TMEM217B: variants seen among roughly 807,000 people sequenced by gnomAD.
TMEM217B encodes transmembrane protein 217B.
At chr6:37,227,510 G>A in the TMEM217B span, among the ~76,000 whole-genome samples, 5 of 152,170 alleles carry the variant, frequency 3.3e-5, no homozygotes, top group South Asian at 6.2e-4. Flanking sequence ...GTAGTGGCGC[G>A]ATCTTGGCTC....
At chr6:37,241,423 T>C in the TMEM217B span, among the ~76,000 whole-genome samples, 1 of 152,172 alleles carries the variant, frequency 6.6e-6, no homozygotes, top group Non-Finnish European at 1.5e-5. Context: ...CTCAGCATTG[T>C]ACCTGGAGAG....
chr6:37,227,469 C>T, the TMEM217B span, among the ~76,000 whole-genome samples: 16 of 152,196 alleles, frequency 1.1e-4, no homozygotes, highest in African/African-American at 1.7e-4. Flanking sequence ...TTGTTTGAGA[C>T]GGAGTCTCGC....
the TMEM217B span, chr6:37,257,970 G>A: frequency 1.2e-6 from 2 of 1,614,134 alleles, no homozygotes; most frequent in Non-Finnish European, 1.7e-6. Flanking sequence ...AAGCTGCCGG[G>A]GAGGTGAGCC....
At chr6:37,212,955 C>T in the TMEM217B span, 3 of 1,549,334 alleles carry the variant, frequency 1.9e-6, no homozygotes, top group East Asian at 4.9e-5. Flanking sequence ...TGAGGGAGAA[C>T]ATCCTGACAT....
chr6:37,231,891 T>C, the TMEM217B span, among the ~76,000 whole-genome samples: 4 of 151,718 alleles, frequency 2.6e-5, no homozygotes, highest in East Asian at 7.7e-4. Flanking sequence ...GCTTCCTAGG[T>C]CTTCCTGACT....
At chr6:37,232,795 C>G in the TMEM217B span, among the ~76,000 whole-genome samples, 1 of 152,208 alleles carries the variant, frequency 6.6e-6, no homozygotes, top group African/African-American at 2.4e-5. Context: ...TTGACCACTC[C>G]TTATCTCTTC....
At chr6:37,254,747 C>A in the TMEM217B span, among the ~76,000 whole-genome samples, 7 of 152,178 alleles carry the variant, frequency 4.6e-5, no homozygotes, top group Non-Finnish European at 8.8e-5. Context: ...GGGGATACAG[C>A]AGGGAACAAA....
chr6:37,226,323 C>T, the TMEM217B span, among the ~76,000 whole-genome samples: 8 of 107,176 alleles, frequency 7.5e-5, no homozygotes, highest in Admixed American at 1.4e-4. Context: ...GACAGAGTCT[C>T]GCTCTTTCGC....
the TMEM217B span, chr6:37,257,936 A>T: frequency 6.2e-7 from 1 of 1,614,080 alleles, no homozygotes; most frequent in South Asian, 1.1e-5. Flanking sequence ...TGAGAACAGC[A>T]AGCAGTTTTG....
chr6:37,229,622 G>A, the TMEM217B span, among the ~76,000 whole-genome samples: 11 of 152,228 alleles, frequency 7.2e-5, no homozygotes, highest in East Asian at 1.9e-3. Context: ...GATTACAGGC[G>A]TGAGCCACCG....
chr6:37,227,194 A>G, the TMEM217B span, among the ~76,000 whole-genome samples: 1 of 152,226 alleles, frequency 6.6e-6, no homozygotes, highest in East Asian at 1.9e-4. Flanking sequence ...TCCATCCCCT[A>G]GTTTCTAAGG....
At chr6:37,249,405 CACT>C in the TMEM217B span, among the ~76,000 whole-genome samples, 1 of 152,110 alleles carries the variant, frequency 6.6e-6, no homozygotes, top group African/African-American at 2.4e-5. Context: ...CTGCAACCTC[CACT>C]TTCCAGGTTC....
chr6:37,233,917 A>T, the TMEM217B span, among the ~76,000 whole-genome samples: 1 of 152,136 alleles, frequency 6.6e-6, no homozygotes, highest in Non-Finnish European at 1.5e-5. Flanking sequence ...AGCCATTCTG[A>T]TTTTCACTTT....
the TMEM217B span, among the ~76,000 whole-genome samples, chr6:37,224,453 C>T: frequency 4.0e-5 from 6 of 150,922 alleles, no homozygotes; most frequent in African/African-American, 1.5e-4. Context: ...AAAAAATTAG[C>T]CGGGCGTGGT....
chr6:37,246,110 C>T, the TMEM217B span, among the ~76,000 whole-genome samples: 39 of 152,284 alleles, frequency 2.6e-4, 1 homozygote, highest in Middle Eastern at 3.4e-3. Context: ...CCAACAGGCT[C>T]TCATTTTCTT....
the TMEM217B span, among the ~76,000 whole-genome samples, chr6:37,253,861 T>C: frequency 3.3e-5 from 5 of 152,214 alleles, no homozygotes; most frequent in East Asian, 1.9e-4. Context: ...ATTATCTCTT[T>C]CATAAAACTT....
chr6:37,218,470 C>A, the TMEM217B span: 1 of 1,613,606 alleles, frequency 6.2e-7, no homozygotes. Context: ...AGCCACTGAA[C>A]CCACTCGAAA....
the TMEM217B span, among the ~76,000 whole-genome samples, chr6:37,235,363 C>T: frequency 6.6e-6 from 1 of 151,892 alleles, no homozygotes; most frequent in Non-Finnish European, 1.5e-5. Context: ...AAATGTATTT[C>T]TTTTATTATT....
the TMEM217B span, chr6:37,257,845 G>C: frequency 1.9e-6 from 3 of 1,550,212 alleles, no homozygotes; most frequent in Non-Finnish European, 2.6e-6. Context: ...TTGGCCCTCA[G>C]ATTGCGGGGT....
Sources: gnomAD v4.1 joint callset for allele counts (sites outside exome capture counted in the v4.1 genomes callset) on GRCh38, gnomAD v4.1.1 for gene constraint, MANE v1.5 for transcripts, NCBI Gene and HGNC (gene_info 2026-07-23, HGNC 2026-07-21) for gene names.